The following RTP2 variants were observed in gnomAD, a reference collection of about 807,000 sequenced individuals.
The protein encoded by RTP2 is receptor-transporting protein 2.
RTP2 carries 12 observed loss-of-function variants against 17.9 expected under a neutral mutation model. The ratio of observed to expected loss-of-function variants is 0.67; its 90% CI spans 0.43 to 1.09. The LOEUF is 1.09. RTP2 is among the 50% of genes least tolerant of loss of function. The probability of loss-of-function intolerance (pLI) is 0.00; values close to 1 mark genes in which losing one functional copy is unlikely to be tolerated. For missense variants in RTP2, 327 were observed against 295.7 expected (o/e 1.11, Z -0.78); for synonymous variants, 126 against 117.7 (o/e 1.07, Z -0.46).
At chr3:187,710,212 G>A in the RTP2 span, among the ~76,000 whole-genome samples, 3 of 152,008 alleles carry the variant, frequency 2.0e-5, no homozygotes, top group Non-Finnish European at 4.4e-5. Context: ...CAGGCCTTGA[G>A]ACTCAGGCTG....
Position 187,699,017 on chromosome 3 carries a change from G to T in RTP2, c.165-6C>A. 2 of 1,570,476 alleles carry T rather than the reference G, an allele frequency of 1.3e-6. No individual in the cohort carries two copies. Among genetic ancestry groups the T allele is most frequent in the Non-Finnish European group, 1.7e-6 (2 of 1,151,668 alleles). ...AGCACCAGGAGCAGTGGAACCTGCC[G>T]GGAGGAGAAGGAGGGGTGGAGAAGG... On this transcript the variant is annotated splice_region_variant and splice_polypyrimidine_tract_variant and intron_variant, in intron 1 of 1. Coordinates refer to ENST00000358241, the Ensembl canonical transcript of RTP2.
intron 1 of RTP2, among the ~76,000 whole-genome samples, chr3:187,701,357 A>G (rs1717841638): frequency 6.6e-6 from 1 of 152,242 alleles, no homozygotes; most frequent in South Asian, 2.1e-4. Context: ...TCTTTTTATC[A>G]CAGGTGCATA....
chr3:187,702,398 C>A, exon 1 of RTP2: 1 of 548,630 alleles, frequency 1.8e-6, no homozygotes, highest in Non-Finnish European at 3.4e-6. Flanking sequence ...GCTGGGTAGG[C>A]CTGAGAGGAG....
At chr3:187,711,279 C>T in the RTP2 span, among the ~76,000 whole-genome samples, 1 of 152,188 alleles carries the variant, frequency 6.6e-6, no homozygotes, top group Admixed American at 6.5e-5. Flanking sequence ...AACATGGTCC[C>T]TGCCCTCATG....
intron 1 of RTP2, among the ~76,000 whole-genome samples, chr3:187,699,772 CACACACACACATAT>C (rs757474538): frequency 4.8e-4 from 31 of 65,218 alleles, no homozygotes; most frequent in African/African-American, 1.1e-3. Flanking sequence ...CACACACACA[CACACACACACATAT>C]ATTTTCTCTC....
At position 187,699,274 on chromosome 3, in the gene RTP2, G is replaced by A. The variant is rs544560332; in HGVS notation, c.165-263C>T. ...CAGTGCTCTAGAGCGTGCCTCCTGC[G>A]GTCTCAGCTGCCCCCCAGCCCGATG... On this transcript the variant is annotated intron_variant, in intron 1 of 1. Transcript: ENST00000358241. Among the ~76,000 whole-genome samples, 5 of 152,226 alleles carry A rather than the reference G, an allele frequency of 3.3e-5. No individual in the cohort carries two copies. The South Asian group carries it at 8.3e-4, about 25-fold the overall frequency.
exon 2 of RTP2, chr3:187,698,302 A>T (rs775896249): frequency 1.7e-6 from 1 of 581,846 alleles, no homozygotes; most frequent in East Asian, 2.8e-5. Flanking sequence ...CCTTCCCCCA[A>T]TTATTGTCAC....
chr3:187,709,612 G>A, the RTP2 span, among the ~76,000 whole-genome samples: 15 of 152,164 alleles, frequency 9.9e-5, no homozygotes, highest in Non-Finnish European at 1.6e-4. Context: ...GTGAACCCAG[G>A]AGGCAGAGGT....
the RTP2 span, among the ~76,000 whole-genome samples, chr3:187,709,903 C>T: frequency 6.6e-6 from 1 of 151,958 alleles, no homozygotes; most frequent in South Asian, 2.1e-4. Context: ...AGAGGACATG[C>T]ATTGGCAACA....
chr3:187,698,852 G>T (rs1300591596), exon 2 of RTP2: 2 of 1,612,924 alleles, frequency 1.2e-6, no homozygotes, highest in African/African-American at 1.3e-5. Flanking sequence ...CCTCCAGCAT[G>T]CTGGACTCGT....
chr3:187,706,259 A>G (rs1428975399), upstream of RTP2, among the ~76,000 whole-genome samples: 1 of 152,222 alleles, frequency 6.6e-6, no homozygotes, highest in African/African-American at 2.4e-5. Flanking sequence ...TTAAACGAAG[A>G]TGTTTTACAT....
upstream of RTP2, among the ~76,000 whole-genome samples, chr3:187,703,336 G>A (rs1224703144): frequency 2.0e-5 from 3 of 152,194 alleles, no homozygotes; most frequent in East Asian, 5.8e-4. Flanking sequence ...AGCTCTTGGT[G>A]TTGAGTTGCC....
upstream of RTP2, among the ~76,000 whole-genome samples, chr3:187,703,330 C>G (rs1451944831): frequency 1.3e-5 from 2 of 152,158 alleles, no homozygotes; most frequent in Non-Finnish European, 2.9e-5. Context: ...ACCGGAAGCT[C>G]TTGGTGTTGA....
At chr3:187,706,909 C>T (rs1579787633), upstream of RTP2, among the ~76,000 whole-genome samples, 2 of 152,128 alleles carry the variant, frequency 1.3e-5, no homozygotes, top group East Asian at 3.9e-4. Flanking sequence ...CCAGAGTGAA[C>T]ATTTCTTTAA....
At chr3:187,714,230 C>A in the RTP2 span, among the ~76,000 whole-genome samples, 1 of 152,188 alleles carries the variant, frequency 6.6e-6, no homozygotes, top group Admixed American at 6.5e-5. Context: ...ATATCATAAA[C>A]CCCTGCCTCT....
upstream of RTP2, among the ~76,000 whole-genome samples, chr3:187,703,025 C>T (rs1717893894): frequency 6.6e-6 from 1 of 152,110 alleles, no homozygotes; most frequent in Non-Finnish European, 1.5e-5. Flanking sequence ...CTGCTGCCTC[C>T]ATTACTGCTG....
At chr3:187,710,632 TAC>T in the RTP2 span, among the ~76,000 whole-genome samples, 4 of 151,532 alleles carry the variant, frequency 2.6e-5, no homozygotes, top group African/African-American at 4.9e-5. Flanking sequence ...CAAATACACA[TAC>T]ACACACACAA....
At chr3:187,702,759 C>G (rs907520479), upstream of RTP2, among the ~76,000 whole-genome samples, 7 of 152,176 alleles carry the variant, frequency 4.6e-5, no homozygotes, top group Admixed American at 3.9e-4. Flanking sequence ...CTTCTGAAAC[C>G]GAGCTCATTT....
At chr3:187,705,546 G>A (rs1477550000), upstream of RTP2, among the ~76,000 whole-genome samples, 1 of 152,156 alleles carries the variant, frequency 6.6e-6, no homozygotes, top group Non-Finnish European at 1.5e-5. Flanking sequence ...TGTAGTTCCA[G>A]GGCTTTCCAG....
Sources: allele counts gnomAD v4.1 joint callset (sites outside exome capture counted in the v4.1 genomes callset), GRCh38; gene constraint gnomAD v4.1.1; transcripts MANE v1.5; gene names NCBI Gene and HGNC (gene_info 2026-07-23, HGNC 2026-07-21).